Variants in BCAS3 observed in about 807,000 individuals in gnomAD.
BCAS3 encodes BCAS3 microtubule associated cell migration factor.
BCAS3 carries 53 observed loss-of-function variants against 116.1 expected under a neutral mutation model. That is an observed-to-expected ratio of 0.46 (90% CI 0.37 to 0.57). The LOEUF is 0.57. BCAS3 is among the 20% of genes least tolerant of loss of function. The pLI is 0.00. For synonymous variants in BCAS3, 391 were observed against 408.2 expected (o/e 0.96, Z 0.51); for missense variants, 917 against 1,165.4 (o/e 0.79, Z 3.10).
At position 61,017,236 on chromosome 17, in the gene BCAS3, T is replaced by G. The variant is rs2065520883; in HGVS notation, c.1637+1335T>G. 1.3e-5 allele frequency among the ~76,000 whole-genome samples: 2 copies of G among 152,212 alleles called. No homozygotes were observed. The highest frequency in any genetic ancestry group is 2.9e-5 in the Non-Finnish European group (2 of 68,034). On this transcript the variant is annotated intron_variant, in intron 16 of 23. Coordinates refer to ENST00000407086, the MANE Select transcript of BCAS3 (RefSeq NM_017679.5). This position sits in a 1 kb window ranked among gnomAD's most constrained non-coding sequence, Gnocchi z 4.7. ...TAATGAAGAGGTTATGTCCTTTATA[T>G]TCACAATTAGGTTATTTTTTCATTG...
At chr17:60,686,698 G>T (rs1329701465) in intron 3 of BCAS3, among the ~76,000 whole-genome samples, 1 of 151,972 alleles carries the variant, frequency 6.6e-6, no homozygotes, top group Non-Finnish European at 1.5e-5. Flanking sequence ...GCCAATTTTT[G>T]TATTTTTAGT....
intron 14 of BCAS3, among the ~76,000 whole-genome samples, chr17:60,949,931 A>G (rs906780656): frequency 3.3e-5 from 5 of 152,232 alleles, no homozygotes. Context: ...TCTTTAACAA[A>G]TAATTGTAAT....
chr17:61,251,962 G>A lies in BCAS3; in HGVS notation c.2426-116365G>A, dbSNP rs1467746624. The stretch of plus-strand genomic sequence containing the variant: ...ACTTTACACGGGTGGCAGTTTAGAA[G>A]AAAAAGAGAGAAAAGGATAAAGAAA... On this transcript the variant is annotated intron_variant, in intron 22 of 23. Transcript: ENST00000407086. The surrounding 1 kb of genome is among the most constrained non-coding windows in gnomAD (Gnocchi z 4.7). Among the ~76,000 whole-genome samples, 1 of 151,428 alleles carries A rather than the reference G, an allele frequency of 6.6e-6. No homozygotes were observed. The highest frequency in any genetic ancestry group is 3.2e-3 in the Middle Eastern group (1 of 316).
rs537738141 is a variant in BCAS3, at chr17:61,185,730, A to G, written c.2425+101166A>G. Among the ~76,000 whole-genome samples, 8 of 152,318 alleles carry G rather than the reference A, an allele frequency of 5.3e-5. No homozygotes were observed. The South Asian group carries it at 1.0e-3, about 20-fold the overall frequency. On this transcript the variant is annotated intron_variant, in intron 22 of 23. Transcript: ENST00000407086. ...AAAACGAATCAATTAAAAGCATGTC[A>G]AAGCATCTTTTACTGTTGAACAACT...
Position 61,376,377 on chromosome 17 carries a change from C to T in BCAS3, c.2593+7883C>T, listed in dbSNP as rs1483080191. 6.6e-6 allele frequency among the ~76,000 whole-genome samples: 1 copy of T among 152,136 alleles called. No individual in the cohort carries two copies. Among genetic ancestry groups the T allele is most frequent in the Non-Finnish European group, 1.5e-5 (1 of 68,018 alleles). ...ATAGGTCACATTCCCTGCTTCCCTA[C>T]CACACACAACCACCAAGCTGCTTTG... On this transcript the variant is annotated intron_variant, in intron 23 of 23. Transcript: ENST00000407086. The surrounding 1 kb of genome is among the most constrained non-coding windows in gnomAD (Gnocchi z 4.5).
At chr17:61,033,526 T>C (rs1419269036) in intron 16 of BCAS3, among the ~76,000 whole-genome samples, 2 of 152,214 alleles carry the variant, frequency 1.3e-5, no homozygotes, top group Non-Finnish European at 2.9e-5. Context: ...AACTACATGT[T>C]TCTTCCTGAC....
intron 6 of BCAS3, among the ~76,000 whole-genome samples, chr17:60,756,459 C>T (rs185333582): frequency 1.1e-4 from 16 of 152,276 alleles, no homozygotes; most frequent in Admixed American, 8.5e-4. Flanking sequence ...TGGTATGTAT[C>T]ATCCTATTCT....
At chr17:60,788,065 C>T (rs1462270719) in intron 6 of BCAS3, among the ~76,000 whole-genome samples, 1 of 152,104 alleles carries the variant, frequency 6.6e-6, no homozygotes, top group African/African-American at 2.4e-5. Flanking sequence ...TATCTTTTTA[C>T]AACAGTACTA....
At chr17:61,317,724 G>C (rs1337417988) in intron 22 of BCAS3, among the ~76,000 whole-genome samples, 1 of 152,222 alleles carries the variant, frequency 6.6e-6, no homozygotes, top group Non-Finnish European at 1.5e-5. Flanking sequence ...GGGCACAGTT[G>C]TTCCTAAGAA....
chr17:60,907,436 C>CAGCA (rs2058245591), intron 11 of BCAS3, among the ~76,000 whole-genome samples: 2 of 152,260 alleles, frequency 1.3e-5, no homozygotes, highest in Admixed American at 6.5e-5. Flanking sequence ...TTTGTGAGAG[C>CAGCA]AGCACCATTA....
At chr17:60,782,725 A>G (rs2045940121) in intron 6 of BCAS3, among the ~76,000 whole-genome samples, 1 of 151,870 alleles carries the variant, frequency 6.6e-6, no homozygotes, top group African/African-American at 2.4e-5. Context: ...AGCTGGGGCT[A>G]CAGGTACGCA....
At chr17:60,924,367 G>C in intron 12 of BCAS3, 40 bp from the exon 13 acceptor site, 1 of 1,582,552 alleles carries the variant, frequency 6.3e-7, no homozygotes, top group Non-Finnish European at 8.7e-7. Context: ...TTATCAGTGA[G>C]AAAATATTTA....
At position 60,757,290 on chromosome 17, in the gene BCAS3, G is replaced by A. The variant is rs944964419; in HGVS notation, c.403+10011G>A. Among the ~76,000 whole-genome samples, 3 of 151,046 alleles carry A rather than the reference G, an allele frequency of 2.0e-5. No individual in the cohort carries two copies. The South Asian group carries it at 6.3e-4, about 32-fold the overall frequency. ...AGATCGCACCACTGCATTCCAGCCTGGGCGACAGAGCAAGACTCTGTCTCA... is the reference window on the plus strand; with the variant it reads ...AGATCGCACCACTGCATTCCAGCCTAGGCGACAGAGCAAGACTCTGTCTCA... On this transcript the variant is annotated intron_variant, in intron 6 of 23. Coordinates refer to ENST00000407086, the MANE Select transcript of BCAS3 (RefSeq NM_017679.5).
At chr17:60,989,171 T>A (rs1346545294) in intron 14 of BCAS3, among the ~76,000 whole-genome samples, 5 of 152,166 alleles carry the variant, frequency 3.3e-5, no homozygotes, top group Non-Finnish European at 7.4e-5. Flanking sequence ...TGGTGGAAAA[T>A]TAATTTAGTC....
At chr17:61,329,714 GTGAC>G (rs1308895288) in intron 22 of BCAS3, among the ~76,000 whole-genome samples, 5 of 152,140 alleles carry the variant, frequency 3.3e-5, no homozygotes, top group African/African-American at 1.2e-4. Flanking sequence ...GGCAGGAATG[GTGAC>G]TGACTATGGA....
At chr17:60,862,899 T>C (rs2054278930) in intron 7 of BCAS3, among the ~76,000 whole-genome samples, 1 of 152,200 alleles carries the variant, frequency 6.6e-6, no homozygotes, top group Non-Finnish European at 1.5e-5. Flanking sequence ...TGTTAAACAG[T>C]TAAAGTTTCA....
At chr17:60,750,741 G>T (rs1326674258) in intron 6 of BCAS3, among the ~76,000 whole-genome samples, 1 of 152,132 alleles carries the variant, frequency 6.6e-6, no homozygotes, top group African/African-American at 2.4e-5. Context: ...ATTCCCTTGT[G>T]ATAGTTGTAC....
At chr17:60,900,777 T>C (rs55726810) in intron 10 of BCAS3, among the ~76,000 whole-genome samples, 46 of 152,072 alleles carry the variant, frequency 3.0e-4, no homozygotes, top group Non-Finnish European at 5.3e-4. Flanking sequence ...ATTTCTATAG[T>C]GCAAAATTCT....
At chr17:60,743,130 A>T (rs1408473129) in intron 5 of BCAS3, among the ~76,000 whole-genome samples, 3 of 151,766 alleles carry the variant, frequency 2.0e-5, no homozygotes, top group East Asian at 1.9e-4. Context: ...AAAAAAAAAA[A>T]TTTGTAATAT....
Sources: allele counts gnomAD v4.1 joint callset (sites outside exome capture counted in the v4.1 genomes callset), GRCh38; gene constraint gnomAD v4.1.1; non-coding constraint Gnocchi (gnomAD v3.1); transcripts MANE v1.5; gene names NCBI Gene and HGNC (gene_info 2026-07-23, HGNC 2026-07-21).